Variants in RIC1 observed in about 807,000 individuals in gnomAD.
The protein encoded by RIC1 is guanine nucleotide exchange factor subunit RIC1.
In RIC1, 88 loss-of-function variants were observed where a neutral mutation model predicts 169.0. The ratio of observed to expected loss-of-function variants is 0.52; its 90% CI spans 0.44 to 0.62. The LOEUF is 0.62. RIC1 is among the 20% of genes least tolerant of loss of function. The probability of loss-of-function intolerance (pLI) is 0.00; values close to 1 mark genes in which losing one functional copy is unlikely to be tolerated. For missense variants in RIC1, 1,877 were observed against 1,725.5 expected (o/e 1.09, Z -1.56); for synonymous variants, 790 against 601.5 (o/e 1.31, Z -4.59).
intron 25 of RIC1, 113 bp from the exon 26 acceptor site, chr9:5,773,845 C>A: frequency 9.9e-7 from 1 of 1,013,672 alleles, no homozygotes. Flanking sequence ...TCTCTCCCCT[C>A]CTAATCTATC....
chr9:5,657,518 G>A (rs568115672), intron 2 of RIC1, among the ~76,000 whole-genome samples: 228 of 152,188 alleles, frequency 1.5e-3, no homozygotes, highest in Non-Finnish European at 2.4e-3. Context: ...TGTAAATTGA[G>A]GATCTGAAAA....
At chr9:5,670,784 C>A (rs996639639) in intron 2 of RIC1, among the ~76,000 whole-genome samples, 1 of 152,140 alleles carries the variant, frequency 6.6e-6, no homozygotes, top group Non-Finnish European at 1.5e-5. Context: ...TGAACAGAAG[C>A]GCCATAGTTT....
chr9:5,689,252 CA>C (rs1304581309), intron 2 of RIC1, among the ~76,000 whole-genome samples: 1 of 151,768 alleles, frequency 6.6e-6, no homozygotes, highest in Non-Finnish European at 1.5e-5. Context: ...AGGGTTTCAC[CA>C]CGTTAGCCAG....
chr9:5,630,628 C>T (rs1335863049), intron 1 of RIC1, among the ~76,000 whole-genome samples: 2 of 152,232 alleles, frequency 1.3e-5, no homozygotes, highest in Middle Eastern at 3.4e-3. Flanking sequence ...AGACTATTTG[C>T]CATCAAGTTT....
In RIC1 at chr9:5,763,371, C is replaced by T. The variant is rs1001186704; in HGVS notation, c.2344C>T (p.Leu782=). The change falls in exon 19 of 26, where the codon CTG becomes TTG. Residue 782 remains leucine (L), a synonymous_variant. Transcript: ENST00000414202. The surrounding 1 kb of genome is among the most constrained non-coding windows in gnomAD (Gnocchi z 5.2). Reference sequence around the variant, plus strand: ...CATCAACATTTACCCGCTAGCTGTTCTGTTTGAAGATGCTTTAGTCCTTGG... The same window carrying T: ...CATCAACATTTACCCGCTAGCTGTTTTGTTTGAAGATGCTTTAGTCCTTGG... The part of the protein sequence containing the change: ...FHINIYPLAV[L]FEDALVLGAV... The T allele has an allele frequency of 2.5e-6, 4 of 1,614,148 alleles. No individual in the cohort carries two copies. The South Asian group carries it at 3.3e-5, about 13-fold the overall frequency.
intron 3 of RIC1, among the ~76,000 whole-genome samples, chr9:5,690,931 CAAATA>C (rs1821557233): frequency 6.6e-6 from 1 of 151,508 alleles, no homozygotes; most frequent in African/African-American, 2.4e-5. Context: ...AGTAGTAACC[CAAATA>C]AAATAAACGT....
chr9:5,694,236 G>T (rs1000516132), intron 3 of RIC1, among the ~76,000 whole-genome samples: 1 of 152,104 alleles, frequency 6.6e-6, no homozygotes, highest in Admixed American at 6.6e-5. Context: ...CATCTAAATC[G>T]TATCAAATTT....
At chr9:5,734,624 A>G (rs1824584165) in intron 7 of RIC1, among the ~76,000 whole-genome samples, 1 of 152,102 alleles carries the variant, frequency 6.6e-6, no homozygotes, top group South Asian at 2.1e-4. Flanking sequence ...TGTAGTAGAA[A>G]CACCCATCTC....
In RIC1 at chr9:5,774,315, A is replaced by C; in HGVS notation, c.*69A>C. ...CGTGCAGCTCAGTACGTTGTAACAT[A>C]GTTGGATGATTTAACAGGAGAACTC... On this transcript the variant is annotated 3_prime_UTR_variant, in exon 26 of 26. Coordinates refer to ENST00000414202, the MANE Select transcript of RIC1 (RefSeq NM_020829.4). 7.4e-7 allele frequency: 1 copy of C among 1,352,710 alleles called. No individual in the cohort carries two copies. The allele number at this position is 1,352,710 out of a possible 1,614,324, so 83.8% of individuals were successfully genotyped here. A position where few individuals can be genotyped will look rare whatever the true frequency, so the allele number is the denominator to read the frequency against.
intron 6 of RIC1, among the ~76,000 whole-genome samples, chr9:5,727,440 A>C (rs947029550): frequency 2.0e-5 from 3 of 152,208 alleles, no homozygotes; most frequent in Non-Finnish European, 2.9e-5. Flanking sequence ...CCATTTGTCT[A>C]ATCTTTTTTC....
At chr9:5,694,450 C>T (rs957887366) in intron 3 of RIC1, among the ~76,000 whole-genome samples, 3 of 151,990 alleles carry the variant, frequency 2.0e-5, no homozygotes, top group African/African-American at 7.2e-5. Context: ...GTTTTTTGTT[C>T]TGCTTGAGCC....
intron 4 of RIC1, 148 bp from the exon 5 acceptor site, chr9:5,720,034 T>C (rs748648260): frequency 7.0e-6 from 4 of 573,604 alleles, no homozygotes; most frequent in Admixed American, 3.6e-5. Flanking sequence ...GATTGAAATA[T>C]ACATAGATAA....
chr9:5,689,713 T>C (rs1223218341), intron 2 of RIC1, among the ~76,000 whole-genome samples: 1 of 152,232 alleles, frequency 6.6e-6, no homozygotes, highest in East Asian at 1.9e-4. Flanking sequence ...CTTGAGAGTA[T>C]GCATGTCTAG....
intron 1 of RIC1, among the ~76,000 whole-genome samples, chr9:5,647,932 G>GGGT (rs1563866897): frequency 7.1e-6 from 1 of 141,382 alleles, no homozygotes; most frequent in African/African-American, 2.6e-5. Flanking sequence ...GTGTGTGTGG[G>GGGT]GGTGGGTGGT....
At chr9:5,697,000 G>C (rs1248089691) in intron 3 of RIC1, among the ~76,000 whole-genome samples, 2 of 152,180 alleles carry the variant, frequency 1.3e-5, no homozygotes, top group Non-Finnish European at 2.9e-5. Flanking sequence ...ATTCTGGCTA[G>C]TCAGAACCGA....
intron 2 of RIC1, among the ~76,000 whole-genome samples, chr9:5,657,823 C>T (rs531234914): frequency 6.6e-5 from 10 of 152,212 alleles, no homozygotes; most frequent in African/African-American, 1.7e-4. Flanking sequence ...ATAGTTTTTA[C>T]ATATTTAAAT....
intron 2 of RIC1, among the ~76,000 whole-genome samples, chr9:5,657,669 C>A (rs1223446480): frequency 6.6e-6 from 1 of 152,048 alleles, no homozygotes; most frequent in Admixed American, 6.6e-5. Context: ...CTGTATATAA[C>A]ACTGACTAGG....
downstream of RIC1, among the ~76,000 whole-genome samples, chr9:5,778,402 G>A (rs540975856): frequency 3.3e-5 from 5 of 152,096 alleles, no homozygotes; most frequent in East Asian, 1.9e-4. Flanking sequence ...CCTGCCAAAC[G>A]GTCCTGGCTA....
intron 2 of RIC1, among the ~76,000 whole-genome samples, chr9:5,658,732 T>G (rs1425565309): frequency 1.3e-5 from 2 of 152,106 alleles, no homozygotes; most frequent in Non-Finnish European, 2.9e-5. Context: ...AGTGTAAGTT[T>G]TTTCAGAGAT....
Sources: allele counts gnomAD v4.1 joint callset (sites outside exome capture counted in the v4.1 genomes callset), GRCh38; gene constraint gnomAD v4.1.1; non-coding constraint Gnocchi (gnomAD v3.1); transcripts MANE v1.5; gene names NCBI Gene and HGNC (gene_info 2026-07-23, HGNC 2026-07-21).